Variants in APOBEC3B observed in about 807,000 individuals in gnomAD.
The protein encoded by APOBEC3B is DNA dC->dU-editing enzyme APOBEC-3B.
A neutral mutation model predicts 53.4 loss-of-function variants in APOBEC3B; 29 were observed. That is an observed-to-expected ratio of 0.54 (90% CI 0.40 to 0.74). The LOEUF is 0.74. Ranked by LOEUF, APOBEC3B falls within the 30% of genes least tolerant of loss-of-function variation. The pLI is 0.00. For missense variants in APOBEC3B, 347 were observed against 496.2 expected (o/e 0.70, Z 2.86); for synonymous variants, 132 against 184.8 (o/e 0.71, Z 2.32).
At chr22:38,987,824 C>T (rs1420994552) in intron 4 of APOBEC3B, among the ~76,000 whole-genome samples, 1 of 148,330 alleles carries the variant, frequency 6.7e-6, no homozygotes, top group Non-Finnish European at 1.5e-5. Context: ...AGGCAGGGCA[C>T]GGTGGCTTAT....
chr22:38,983,256 T>C (rs2267402), intron 1 of APOBEC3B, among the ~76,000 whole-genome samples: 64,449 of 146,224 alleles, frequency 0.44, 17,349 homozygotes, highest in East Asian at 0.63. Context: ...AGGTGGAGGT[T>C]GCAGTGAGCT....
At chr22:38,987,950 G>T (rs1156528626) in intron 4 of APOBEC3B, among the ~76,000 whole-genome samples, 1 of 148,330 alleles carries the variant, frequency 6.7e-6, no homozygotes, top group East Asian at 2.3e-4. Flanking sequence ...TACAAAAAAT[G>T]AGCCAGGCAT....
At chr22:38,985,105 G>A (rs1000852159) in intron 2 of APOBEC3B, among the ~76,000 whole-genome samples, 2 of 148,042 alleles carry the variant, frequency 1.4e-5, no homozygotes, top group Non-Finnish European at 3.0e-5. Context: ...GTTTCACCAT[G>A]TTGGCCAGGC....
At chr22:38,985,786 T>A (rs1350281710) in intron 2 of APOBEC3B, 26 bp from the exon 3 acceptor site, 6 of 1,561,926 alleles carry the variant, frequency 3.8e-6, no homozygotes, top group South Asian at 1.2e-5. Context: ...TCTCAGAGCA[T>A]CCCCTGCCCC....
Position 38,984,211 on chromosome 22 carries a change from A to T in APOBEC3B, c.154A>T (p.Thr52Ser). ...KRGRSNLLWDTGVFRGQVYFK... is the reference protein window; with the variant it reads ...KRGRSNLLWDSGVFRGQVYFK... ...GGGCCGCTCAAATCTCCTTTGGGAC[A>T]CAGGGGTCTTTCGAGGCCAGGTACC... The change falls in exon 2 of 8, where the codon ACA becomes TCA. Residue 52 changes from threonine (T) to serine (S), a missense_variant. By Grantham distance (58) the Thr-to-Ser change is moderately conservative. This residue lies in a region of APOBEC3B where 73 missense variants were observed against 90.9 expected (regional missense o/e 0.80). Transcript: ENST00000333467. 1 of 1,592,102 alleles carries T rather than the reference A, an allele frequency of 6.3e-7. No homozygotes were observed. Among genetic ancestry groups the T allele is most frequent in the Non-Finnish European group, 8.5e-7 (1 of 1,172,284 alleles).
rs773158161 is a variant in APOBEC3B, at chr22:38,989,506, T to A, written c.619T>A (p.Leu207Met). 1 of 1,588,666 alleles carries A rather than the reference T, an allele frequency of 6.3e-7. No individual in the cohort carries two copies. Among genetic ancestry groups the A allele is most frequent in the Non-Finnish European group, 8.6e-7 (1 of 1,169,114 alleles). Reference sequence around the variant, plus strand: ...CACTTTCAACTTTAATAATGACCCTTTGGTCCTTCGACGGCGCCAGACCTA... The same window carrying A: ...CACTTTCAACTTTAATAATGACCCTATGGTCCTTCGACGGCGCCAGACCTA... ...TFTFNFNNDP[L>M]VLRRRQTYLC... Residue 207 changes from leucine to methionine, a missense_variant, in exon 5 of 8, where the codon TTG (leucine) becomes ATG (methionine). By Grantham distance (15) the Leu-to-Met change is conservative. Coordinates refer to ENST00000333467, the MANE Select transcript of APOBEC3B (RefSeq NM_004900.5).
At chr22:38,988,683 C>CTTTCTTTCTTTCTTTCTT (rs779025117) in intron 4 of APOBEC3B, among the ~76,000 whole-genome samples, 16 of 47,528 alleles carry the variant, frequency 3.4e-4, no homozygotes, top group Non-Finnish European at 4.3e-4. Context: ...TTCTCTCTTT[C>CTTTCTTTCTTTCTTTCTT]TCTTTCTTTC....
At chr22:38,991,787 A>G (rs367607962) in intron 6 of APOBEC3B, among the ~76,000 whole-genome samples, 161 bp downstream of exon 6, 13 of 146,962 alleles carry the variant, frequency 8.8e-5, no homozygotes, top group South Asian at 2.3e-4. Flanking sequence ...GCCAGGAGAT[A>G]TGGGCCCGGG....
Position 38,982,394 on chromosome 22 carries a change from G to T in APOBEC3B, c.-60G>T. 4 of 1,588,346 alleles carry T rather than the reference G, an allele frequency of 2.5e-6. 1 individual carries two copies. Among genetic ancestry groups the T allele is most frequent in the Non-Finnish European group, 3.4e-6 (4 of 1,168,360 alleles). ...TGCAAGGACGCTGTAAGCAGGAAGT[G>T]AAACCACAGAGCTTCAAAAAAAGAG... On this transcript the variant is annotated 5_prime_UTR_variant, in exon 1 of 8. Transcript: ENST00000333467.
intron 2 of APOBEC3B, among the ~76,000 whole-genome samples, chr22:38,984,544 A>T (rs1923657581): frequency 6.7e-6 from 1 of 149,008 alleles, no homozygotes; most frequent in Admixed American, 6.9e-5. Context: ...AACTGGCTAA[A>T]TACAGACATT....
rs115285916 is a variant in APOBEC3B, at chr22:38,986,238, C to G, written c.455-60C>G. 3,067 of 1,588,690 alleles carry G rather than the reference C, an allele frequency of 1.9e-3. 230 individuals carry two copies. In the African/African-American group the frequency reaches 0.035, roughly 18 times the overall value. ...TGCAACTGACAGCCAGGAGACCAGG[C>G]CTGGGAGGACAGGCCAGGGTCAGGG... On this transcript the variant is annotated intron_variant, in intron 3 of 7. Transcript: ENST00000333467.
chr22:38,992,583 T>A lies in APOBEC3B; in HGVS notation c.*138T>A. On this transcript the variant is annotated 3_prime_UTR_variant, in exon 8 of 8. Coordinates refer to ENST00000333467, the MANE Select transcript of APOBEC3B (RefSeq NM_004900.5). Reference sequence around the variant, plus strand: ...AGACACCAGCAAAGCAATGTGCTCCTGATCAAGTAGATTTTTTAAAAATCA... The same window carrying A: ...AGACACCAGCAAAGCAATGTGCTCCAGATCAAGTAGATTTTTTAAAAATCA... 6.4e-7 allele frequency: 1 copy of A among 1,574,008 alleles called. No homozygotes were observed. Among genetic ancestry groups the A allele is most frequent in the African/African-American group, 1.4e-5 (1 of 73,318 alleles).
rs966106679 is a variant in APOBEC3B, at chr22:38,990,511, T to C, written c.724-821T>C. 3.4e-5 allele frequency among the ~76,000 whole-genome samples: 5 copies of C among 147,994 alleles called. 1 individual carries two copies. Among genetic ancestry groups the C allele is most frequent in the African/African-American group, 1.2e-4 (5 of 40,308 alleles). ...CTAGTCTTAGTGGAAAATCCTTTTC[T>C]CTGAAGTTTGGAGTAAATACCATAT... On this transcript the variant is annotated intron_variant, in intron 5 of 7. Transcript: ENST00000333467.
At chr22:38,991,085 G>A (rs949045744) in intron 5 of APOBEC3B, among the ~76,000 whole-genome samples, 12 of 147,332 alleles carry the variant, frequency 8.1e-5, no homozygotes, top group Non-Finnish European at 1.2e-4. Context: ...TTGGAGCTGG[G>A]GCAAAATAAA....
At position 38,988,665 on chromosome 22, in the gene APOBEC3B, C is replaced by CTCTCTT. The variant is rs373216983; in HGVS notation, c.570-787_570-786insTTCTCT. On this transcript the variant is annotated intron_variant, in intron 4 of 7. Coordinates refer to ENST00000333467, the MANE Select transcript of APOBEC3B (RefSeq NM_004900.5). ...CCTTCCTTCCTTCCTTCCTTGCTTC[C>CTCTCTT]TCTCTCTTTCTCTCTTTCTCTTTCT... 1.4e-3 allele frequency among the ~76,000 whole-genome samples: 12 copies of CTCTCTT among 8,728 alleles called. 1 individual carries two copies. The African/African-American group carries it at 0.018, about 13-fold the overall frequency. 5.7% of individuals were successfully genotyped at this position (8,728 alleles called of 152,430 possible).
intron 1 of APOBEC3B, among the ~76,000 whole-genome samples, chr22:38,983,044 C>T (rs1428522521): frequency 6.7e-6 from 1 of 148,186 alleles, no homozygotes; most frequent in African/African-American, 2.5e-5. Context: ...AGTGGTTGAG[C>T]GTGGTGGCTC....
chr22:38,986,413 G>A lies in APOBEC3B; in HGVS notation c.569+1G>A, dbSNP rs200618891. 6.3e-7 allele frequency: 1 copy of A among 1,592,412 alleles called. No homozygotes were observed. Among genetic ancestry groups the A allele is most frequent in the East Asian group, 2.5e-5 (1 of 40,330 alleles). Reference sequence around the variant, plus strand: ...ACCGCACGCTAAAGGAGATTCTCAGGTGAGGGTCTCCCTCTGGCCTCATCA... The same window carrying A: ...ACCGCACGCTAAAGGAGATTCTCAGATGAGGGTCTCCCTCTGGCCTCATCA... On this transcript the variant is annotated splice_donor_variant, in intron 4 of 7. Transcript: ENST00000333467. LOFTEE classifies it high-confidence loss of function.
Position 38,984,302 on chromosome 22 carries a change from G to A in APOBEC3B, c.174+71G>A, listed in dbSNP as rs2146287862. ...TAGAGGACTGGAGAGACTGATATGG[G>A]TGAGACAGGAGGATTTATTTAGGTG... On this transcript the variant is annotated intron_variant, in intron 2 of 7. Transcript: ENST00000333467. The A allele has an allele frequency of 6.6e-6, 10 of 1,505,866 alleles. 3 individuals carry two copies. In the South Asian group the frequency reaches 8.9e-5, roughly 13 times the overall value. The allele number at this position is 1,505,866 out of a possible 1,614,324, so 93.3% of individuals were successfully genotyped here. A position where few individuals can be genotyped will look rare whatever the true frequency, so the allele number is the denominator to read the frequency against.
rs115185669 is a variant in APOBEC3B, at chr22:38,984,392, A to C, written c.174+161A>C. Among the ~76,000 whole-genome samples the C allele has an allele frequency of 8.0e-3, 1,192 of 148,664 alleles. 66 individuals are homozygous for C. The highest frequency in any genetic ancestry group is 0.028 in the African/African-American group (1,133 of 40,934). Reference sequence around the variant, plus strand: ...TTAACAAAGACAGACTGAGGTATTTATAAGCAAACTTACAGAAGCAGAACA... The same window carrying C: ...TTAACAAAGACAGACTGAGGTATTTCTAAGCAAACTTACAGAAGCAGAACA... On this transcript the variant is annotated intron_variant, in intron 2 of 7. Transcript: ENST00000333467.
Sources: gnomAD v4.1 joint callset for allele counts (sites outside exome capture counted in the v4.1 genomes callset) on GRCh38, gnomAD v4.1.1 for gene constraint, gnomAD v4.1.1 regional missense constraint, MANE v1.5 for transcripts, NCBI Gene and HGNC (gene_info 2026-07-23, HGNC 2026-07-21) for gene names.